LONRF2: variants seen among roughly 807,000 people sequenced by gnomAD.
LONRF2 encodes LON peptidase N-terminal domain and RING finger protein 2.
Under a neutral mutation model 66.6 loss-of-function variants are expected in LONRF2, and 35 were observed. The ratio of observed to expected loss-of-function variants is 0.53; its 90% CI spans 0.40 to 0.70. The LOEUF is 0.70. Among genes scored for constraint, LONRF2 ranks in the 30% least tolerant of loss-of-function variants. LONRF2 has a pLI of 0.00. For missense variants in LONRF2, 902 were observed against 1,002.1 expected (o/e 0.90, Z 1.35); for synonymous variants, 417 against 418.1 (o/e 1.00, Z 0.03).
rs1021618832 is a variant in LONRF2, at chr2:100,277,166, C to G, written c.*7132G>C. 1 of 152,170 alleles carries G rather than the reference C, an allele frequency of 6.6e-6. No homozygotes were observed. The highest frequency in any genetic ancestry group is 1.5e-5 in the Non-Finnish European group (1 of 68,032). 9.4% of individuals were successfully genotyped at this position (152,170 alleles called of 1,614,324 possible). On this transcript the variant is annotated 3_prime_UTR_variant, in exon 12 of 12. Coordinates refer to ENST00000393437, the MANE Select transcript of LONRF2 (RefSeq NM_198461.4). ...AAATCCATGGGCACTCCTGTTGGTGCCCTCAGAGACCCCTTCATTATAGAA... is the reference window on the plus strand; with the variant it reads ...AAATCCATGGGCACTCCTGTTGGTGGCCTCAGAGACCCCTTCATTATAGAA...
chr2:100,312,144 C>T (rs144135562), intron 1 of LONRF2, among the ~76,000 whole-genome samples: 279 of 152,222 alleles, frequency 1.8e-3, no homozygotes, highest in African/African-American at 6.1e-3. Context: ...TTGACCTTAG[C>T]GCCTTTTCAG....
intron 1 of LONRF2, among the ~76,000 whole-genome samples, chr2:100,318,064 C>T (rs1415878892): frequency 6.6e-6 from 1 of 152,132 alleles, no homozygotes; most frequent in Non-Finnish European, 1.5e-5. Context: ...TCTTGCCCTT[C>T]CCCTCTCTCT....
Position 100,274,935 on chromosome 2 carries a change from A to T in LONRF2, c.*9363T>A, listed in dbSNP as rs1408033363. 6.6e-6 allele frequency: 1 copy of T among 152,272 alleles called. No individual in the cohort carries two copies. The highest frequency in any genetic ancestry group is 2.4e-5 in the African/African-American group (1 of 41,470). The allele number at this position is 152,272 out of a possible 1,614,324, so 9.4% of individuals were successfully genotyped here. On this transcript the variant is annotated 3_prime_UTR_variant, in exon 12 of 12. Coordinates refer to ENST00000393437, the MANE Select transcript of LONRF2 (RefSeq NM_198461.4). ...TCTCCTTTATGAATTAAACGTGGGT[A>T]CATTTCGATACCACGGGCACAGTGA...
chr2:100,311,671 A>G (rs1339352621), intron 1 of LONRF2, among the ~76,000 whole-genome samples: 1 of 152,182 alleles, frequency 6.6e-6, no homozygotes, highest in African/African-American at 2.4e-5. Context: ...AACATAAAAT[A>G]TGTTTGTTGT....
intron 9 of LONRF2, among the ~76,000 whole-genome samples, chr2:100,293,182 A>T (rs1416603830): frequency 6.6e-6 from 1 of 152,224 alleles, no homozygotes; most frequent in Non-Finnish European, 1.5e-5. Context: ...GATTTGTGGA[A>T]CTGGATAGAG....
intron 2 of LONRF2, among the ~76,000 whole-genome samples, chr2:100,307,464 G>A (rs1209050427): frequency 4.6e-5 from 7 of 152,140 alleles, no homozygotes; most frequent in Non-Finnish European, 1.0e-4. Flanking sequence ...AGAATACTAC[G>A]GAGAGGAATC....
rs1365234322 is a variant in LONRF2 at position 100,283,522 on chromosome 2, T to A, written c.*776A>T. 6.6e-6 allele frequency: 1 copy of A among 152,180 alleles called. No individual in the cohort carries two copies. The highest frequency in any genetic ancestry group is 1.9e-4 in the East Asian group (1 of 5,200). 9.4% of individuals were successfully genotyped at this position (152,180 alleles called of 1,614,324 possible). ...CAAAGCATTCTTTGCACTTGGTGGT[T>A]TTATGTTTGACATCCCAATGCATAT... On this transcript the variant is annotated 3_prime_UTR_variant, in exon 12 of 12. Coordinates refer to ENST00000393437, the MANE Select transcript of LONRF2 (RefSeq NM_198461.4).
rs1177517578 is a variant in LONRF2 at position 100,273,299 on chromosome 2, GA to G, written c.*10998del. ...TCTAATGTCCAGAAATGTGAGCGAAGAAAACTGATTTATTGTGAAAAGCCGT... is the reference window on the plus strand; with the variant it reads ...TCTAATGTCCAGAAATGTGAGCGAAGAAACTGATTTATTGTGAAAAGCCGT... On this transcript the variant is annotated 3_prime_UTR_variant, in exon 12 of 12. Coordinates refer to ENST00000393437, the MANE Select transcript of LONRF2 (RefSeq NM_198461.4). The G allele has an allele frequency of 2.6e-5, 4 of 152,220 alleles. No homozygotes were observed. Among genetic ancestry groups the G allele is most frequent in the African/African-American group, 9.7e-5 (4 of 41,446 alleles). The allele number at this position is 152,220 out of a possible 1,614,324, so 9.4% of individuals were successfully genotyped here.
intron 9 of LONRF2, among the ~76,000 whole-genome samples, chr2:100,293,325 C>A (rs1037178440): frequency 6.6e-6 from 1 of 152,188 alleles, no homozygotes; most frequent in African/African-American, 2.4e-5. Context: ...TTAAAAAGAT[C>A]TGTCCCTAGA....
In LONRF2 at chr2:100,321,991, G is replaced by A; in HGVS notation, c.103C>T (p.Arg35Cys). The A allele has an allele frequency of 1.4e-6, 2 of 1,461,268 alleles. No individual in the cohort carries two copies. The highest frequency in any genetic ancestry group is 1.8e-6 in the Non-Finnish European group (2 of 1,108,048). The allele number at this position is 1,461,268 out of a possible 1,614,324, so 90.5% of individuals were successfully genotyped here. Residue 35 changes from arginine (R) to cysteine (C), a missense_variant, in exon 1 of 12, where the codon CGC becomes TGC. Physicochemically the swap from Arg to Cys is radical, Grantham distance 180 (BLOSUM62 -3). Transcript: ENST00000393437. ...GCTGCCATCTCGTAGTCGCCCGCGC[G>A]GAAGGCCTCGTCGCCCTCCTCTAAG... ...QRLEEGDEAF[R>C]AGDYEMAAEL...
At chr2:100,313,100 A>C (rs572890505) in intron 1 of LONRF2, among the ~76,000 whole-genome samples, 1 of 152,360 alleles carries the variant, frequency 6.6e-6, no homozygotes, top group Admixed American at 6.5e-5. Flanking sequence ...GTTTTCCAAC[A>C]GCAACCCAGA....
intron 3 of LONRF2, among the ~76,000 whole-genome samples, chr2:100,302,169 A>T (rs1002533120): frequency 1.3e-5 from 2 of 152,248 alleles, no homozygotes; most frequent in African/African-American, 4.8e-5. Context: ...CACATCCAGA[A>T]GAGGAAATCT....
chr2:100,294,726 G>A (rs1015591599), intron 8 of LONRF2, among the ~76,000 whole-genome samples: 1 of 152,130 alleles, frequency 6.6e-6, no homozygotes, highest in African/African-American at 2.4e-5. Flanking sequence ...TTAGAAGAGT[G>A]GAAGAGTGAT....
chr2:100,317,249 T>TGGAA (rs1675526069), intron 1 of LONRF2, among the ~76,000 whole-genome samples: 1 of 152,180 alleles, frequency 6.6e-6, no homozygotes, highest in Non-Finnish European at 1.5e-5. Flanking sequence ...CCCATTTTCT[T>TGGAA]TTGGATTAAT....
chr2:100,298,345 T>G (rs1194007026), intron 7 of LONRF2, among the ~76,000 whole-genome samples: 2 of 152,202 alleles, frequency 1.3e-5, no homozygotes, highest in Non-Finnish European at 2.9e-5. Flanking sequence ...ATATTGGGGC[T>G]AAATATCATT....
intron 1 of LONRF2, among the ~76,000 whole-genome samples, chr2:100,313,871 A>G (rs192954384): frequency 3.9e-5 from 6 of 152,316 alleles, no homozygotes; most frequent in African/African-American, 1.2e-4. Flanking sequence ...ACTTCTCACT[A>G]AATTATCATT....
At chr2:100,299,353 A>T in intron 5 of LONRF2, 34 bp from the exon 6 acceptor site, 1 of 1,284,468 alleles carries the variant, frequency 7.8e-7, no homozygotes, top group Non-Finnish European at 1.1e-6. Flanking sequence ...GCTGTAATTA[A>T]CACCTAAGCA....
At chr2:100,312,899 C>G (rs1039189902) in intron 1 of LONRF2, among the ~76,000 whole-genome samples, 3 of 152,198 alleles carry the variant, frequency 2.0e-5, no homozygotes, top group African/African-American at 7.2e-5. Flanking sequence ...TATTAAAAGT[C>G]TTTGTGTAGA....
In LONRF2 at chr2:100,321,981, T is replaced by C; in HGVS notation, c.113A>G (p.Asp38Gly). 1 of 1,465,982 alleles carries C rather than the reference T, an allele frequency of 6.8e-7. No individual in the cohort carries two copies. Among genetic ancestry groups the C allele is most frequent in the Non-Finnish European group, 9.0e-7 (1 of 1,110,580 alleles). 90.8% of individuals were successfully genotyped at this position (1,465,982 alleles called of 1,614,324 possible). The change falls in exon 1 of 12, where the codon GAC becomes GGC. Residue 38 changes from aspartate (D) to glycine (G), a missense_variant. This residue lies in a region of LONRF2 where 585 missense variants were observed against 569.9 expected (regional missense o/e 1.03). Transcript: ENST00000393437. ...AAAGAGCTCGGCTGCCATCTCGTAGTCGCCCGCGCGGAAGGCCTCGTCGCC... is the reference window on the plus strand; with the variant it reads ...AAAGAGCTCGGCTGCCATCTCGTAGCCGCCCGCGCGGAAGGCCTCGTCGCC... ...EEGDEAFRAG[D>G]YEMAAELFRS...
Sources: allele counts gnomAD v4.1 joint callset (sites outside exome capture counted in the v4.1 genomes callset), GRCh38; gene constraint gnomAD v4.1.1; regional missense constraint gnomAD v4.1.1; transcripts MANE v1.5; gene names NCBI Gene and HGNC (gene_info 2026-07-23, HGNC 2026-07-21).